PARD3B: variants seen among roughly 807,000 people sequenced by gnomAD.
PARD3B encodes the protein par-3 family cell polarity regulator beta.
PARD3B carries 103 observed loss-of-function variants against 130.2 expected under a neutral mutation model. The ratio of observed to expected loss-of-function variants is 0.79; its 90% CI spans 0.67 to 0.93. PARD3B has a LOEUF of 0.93. PARD3B is among the 40% of genes least tolerant of loss of function. The pLI is 0.00. For missense variants in PARD3B, 1,609 were observed against 1,499.2 expected (o/e 1.07, Z -1.21); for synonymous variants, 583 against 553.2 (o/e 1.05, Z -0.76).
At chr2:204,969,361 G>A (rs1691505443) in intron 3 of PARD3B, among the ~76,000 whole-genome samples, 1 of 152,112 alleles carries the variant, frequency 6.6e-6, no homozygotes, top group Non-Finnish European at 1.5e-5. Context: ...AAATAGGATT[G>A]GTTATGCTAG....
At chr2:204,792,544 A>G (rs2042234765) in intron 2 of PARD3B, among the ~76,000 whole-genome samples, 1 of 151,284 alleles carries the variant, frequency 6.6e-6, no homozygotes, top group Admixed American at 6.6e-5. Flanking sequence ...AAGTAAGACC[A>G]TTTTTTTTTA....
intron 2 of PARD3B, among the ~76,000 whole-genome samples, chr2:204,872,385 A>T (rs982036801): frequency 6.6e-6 from 1 of 152,192 alleles, no homozygotes; most frequent in African/African-American, 2.4e-5. Flanking sequence ...TTTGGATAAA[A>T]TGTCATCTTC....
At chr2:205,382,828 C>T (rs1362037249) in intron 18 of PARD3B, among the ~76,000 whole-genome samples, 2 of 152,020 alleles carry the variant, frequency 1.3e-5, no homozygotes, top group Non-Finnish European at 2.9e-5. Context: ...GTATTGGCCA[C>T]TGGGAGCATT....
intron 2 of PARD3B, among the ~76,000 whole-genome samples, chr2:204,918,049 G>A (rs1373621549): frequency 6.6e-6 from 1 of 152,190 alleles, no homozygotes; most frequent in Non-Finnish European, 1.5e-5. Context: ...TTTGTAGCCT[G>A]ATATATTCTT....
chr2:205,501,136 G>T (rs1156885015), intron 21 of PARD3B, among the ~76,000 whole-genome samples: 3 of 152,142 alleles, frequency 2.0e-5, no homozygotes, highest in Non-Finnish European at 4.4e-5. Flanking sequence ...CTACACTGGG[G>T]TGTGAAAATC....
chr2:205,039,730 A>T (rs1383914102), intron 3 of PARD3B, among the ~76,000 whole-genome samples: 1 of 152,044 alleles, frequency 6.6e-6, no homozygotes, highest in Admixed American at 6.6e-5. Context: ...TTGGTTTCCC[A>T]AAGTGTTGGG....
chr2:204,701,248 T>C (rs1034303326), intron 2 of PARD3B, among the ~76,000 whole-genome samples: 1 of 152,166 alleles, frequency 6.6e-6, no homozygotes, highest in Non-Finnish European at 1.5e-5. Context: ...ATAAATACTC[T>C]ATTTACTGTA....
At chr2:205,423,650 T>C (rs1160729938) in intron 19 of PARD3B, among the ~76,000 whole-genome samples, 2 of 152,130 alleles carry the variant, frequency 1.3e-5, no homozygotes, top group Non-Finnish European at 2.9e-5. Flanking sequence ...ACAATAGGGT[T>C]CACGACATGG....
At chr2:204,723,747 T>G (rs755496223) in intron 2 of PARD3B, among the ~76,000 whole-genome samples, 4 of 152,078 alleles carry the variant, frequency 2.6e-5, no homozygotes, top group Non-Finnish European at 5.9e-5. Flanking sequence ...GATGGAGTGA[T>G]AAAGTTCATA....
chr2:204,957,527 A>G (rs1030657667), intron 2 of PARD3B, among the ~76,000 whole-genome samples: 2 of 152,166 alleles, frequency 1.3e-5, no homozygotes, highest in African/African-American at 4.8e-5. Context: ...TATGAGAATC[A>G]GAGCTGTTAT....
At chr2:205,507,658 G>T (rs1396304219) in intron 21 of PARD3B, among the ~76,000 whole-genome samples, 1 of 152,180 alleles carries the variant, frequency 6.6e-6, no homozygotes, top group Non-Finnish European at 1.5e-5. Context: ...CAGGGAAAGA[G>T]AATGTAGATG....
chr2:204,698,815 C>CT (rs1356288211), intron 2 of PARD3B, among the ~76,000 whole-genome samples: 2 of 151,924 alleles, frequency 1.3e-5, no homozygotes, highest in Non-Finnish European at 1.5e-5. Context: ...AGCGTTCCTC[C>CT]TTTTTATTTT....
chr2:205,501,677 A>C (rs2050163986), intron 21 of PARD3B, among the ~76,000 whole-genome samples: 1 of 152,198 alleles, frequency 6.6e-6, no homozygotes. Flanking sequence ...AAATAAGACA[A>C]ATAATTTTAG....
chr2:205,613,460 G>A (rs2055310200), intron 22 of PARD3B, among the ~76,000 whole-genome samples: 1 of 152,172 alleles, frequency 6.6e-6, no homozygotes, highest in Admixed American at 6.5e-5. Flanking sequence ...TATACCGAAG[G>A]CTGGAAGTTT....
Position 204,563,265 on chromosome 2 carries a change from CTT to C in PARD3B, c.120+17148_120+17149del, listed in dbSNP as rs1491211308. On this transcript the variant is annotated intron_variant, in intron 1 of 22. Transcript: ENST00000406610. The stretch of plus-strand genomic sequence containing the variant: ...TCTCTCTCTCTCTCTCTCTCTCTCT[CTT>C]TCTCTCTTCTCCCTTTATAAGGACA... 5.7e-4 allele frequency among the ~76,000 whole-genome samples: 76 copies of C among 133,442 alleles called. 1 individual carries two copies. The highest frequency in any genetic ancestry group is 1.2e-3 in the African/African-American group (44 of 35,380). 87.5% of individuals were successfully genotyped at this position (133,442 alleles called of 152,430 possible). A position where few individuals can be genotyped will look rare whatever the true frequency, so the allele number is the denominator to read the frequency against.
At chr2:205,109,650 C>CTTTT (rs35545106) in intron 5 of PARD3B, among the ~76,000 whole-genome samples, 1 of 69,288 alleles carries the variant, frequency 1.4e-5, no homozygotes, top group Non-Finnish European at 2.8e-5. Context: ...AATACCTAAT[C>CTTTT]TTTTTTTTTT....
chr2:205,019,790 G>A (rs565146774), intron 3 of PARD3B, among the ~76,000 whole-genome samples: 30 of 152,178 alleles, frequency 2.0e-4, no homozygotes, highest in Non-Finnish European at 3.5e-4. Context: ...TTGTTTCAAA[G>A]TTACAGAAAG....
chr2:205,158,849 C>T lies in PARD3B; in HGVS notation c.1562C>T (p.Thr521Ile). ...VSLKGNKSRE[T>I]GTDLGIFIKS... ...TTAAAAGGGAACAAATCCAGAGAAA[C>T]TGGAACAGACTTGGGGATTTTTATC... The change falls in exon 11 of 23, where the codon ACT becomes ATT. Residue 521 changes from threonine to isoleucine, a missense_variant. Physicochemically the swap from Thr to Ile is moderately conservative, Grantham distance 89. Transcript: ENST00000406610. This position sits in a 1 kb window ranked among gnomAD's most constrained non-coding sequence, Gnocchi z 5.4. The T allele has an allele frequency of 3.1e-6, 5 of 1,614,114 alleles. No individual in the cohort carries two copies. Among genetic ancestry groups the T allele is most frequent in the Non-Finnish European group, 4.2e-6 (5 of 1,180,012 alleles).
intron 4 of PARD3B, chr2:205,047,957 C>T: frequency 1.1e-5 from 3 of 269,116 alleles, no homozygotes; most frequent in Non-Finnish European, 6.9e-6. Context: ...TCAAGGTAAG[C>T]ACATGTTTTT....
Sources: gnomAD v4.1 joint callset for allele counts (sites outside exome capture counted in the v4.1 genomes callset) on GRCh38, gnomAD v4.1.1 for gene constraint, Gnocchi (gnomAD v3.1) non-coding constraint, MANE v1.5 for transcripts, NCBI Gene and HGNC (gene_info 2026-07-23, HGNC 2026-07-21) for gene names.